Variants in SNURF observed in about 807,000 individuals in gnomAD.
SNURF encodes SNRPN upstream open reading frame.
In SNURF, 6 loss-of-function variants were observed where a neutral mutation model predicts 11.6. That is an observed-to-expected ratio of 0.52 (90% confidence interval 0.28 to 1.02). The LOEUF (loss-of-function observed/expected upper bound fraction) is 1.02, where lower values mean the gene tolerates loss of function less well. Among genes scored for constraint, SNURF ranks in the 50% least tolerant of loss-of-function variants. The pLI is 0.09. For synonymous variants in SNURF, 29 were observed against 31.6 expected, an observed-to-expected ratio of 0.92 and a Z score of 0.27; for missense variants, 84 against 88.4, an observed-to-expected ratio of 0.95 and a Z score of 0.20.
intron 1 of SNURF, among the ~76,000 whole-genome samples, chr15:24,961,911 A>G (rs147255039): frequency 6.6e-6 from 1 of 152,274 alleles, no homozygotes; most frequent in African/African-American, 2.4e-5. Context: ...TTCTGATGTC[A>G]TGGGCTTCTA....
chr15:24,963,791 C>G (rs2075218613), intron 2 of SNURF, among the ~76,000 whole-genome samples: 1 of 151,952 alleles, frequency 6.6e-6, no homozygotes. Flanking sequence ...CTAATCCCAG[C>G]ATGTTGGGAG....
chr15:24,967,141 G>A (rs565907521), intron 2 of SNURF: 31 of 152,280 alleles, frequency 2.0e-4, no homozygotes, highest in African/African-American at 7.5e-4. Context: ...GTTCACACAG[G>A]ATAATTTGAA....
intron 3 of SNURF, chr15:24,974,655 C>G (rs2153682508): frequency 1.5e-6 from 1 of 646,782 alleles, no homozygotes; most frequent in South Asian, 1.9e-5. Context: ...GGGTCTTGCT[C>G]TGTCTCCCAG....
chr15:24,971,444 C>T (rs1435046958), downstream of SNURF, among the ~76,000 whole-genome samples: 1 of 152,098 alleles, frequency 6.6e-6, no homozygotes. Flanking sequence ...AAATCTGTCT[C>T]TTAAGGGAAT....
At chr15:24,978,387 T>G (rs763635758), downstream of SNURF, 1 of 1,614,080 alleles carries the variant, frequency 6.2e-7, no homozygotes, top group South Asian at 1.1e-5. Flanking sequence ...TTTTTCTCAA[T>G]GTTTCTATTT....
chr15:24,955,856 G>A (rs982939452), intron 1 of SNURF, among the ~76,000 whole-genome samples: 10 of 151,788 alleles, frequency 6.6e-5, no homozygotes, highest in African/African-American at 1.7e-4. Flanking sequence ...GCATGGAGGC[G>A]GTGGGCATGG....
intron 6 of SNURF, chr15:24,977,756 GT>G (rs1566978374): frequency 6.4e-7 from 1 of 1,569,800 alleles, no homozygotes; most frequent in South Asian, 1.2e-5. Context: ...CGCTTTGACT[GT>G]TTCCCGCCCT....
intron 3 of SNURF, chr15:24,974,513 G>A: frequency 6.4e-7 from 1 of 1,562,098 alleles, no homozygotes; most frequent in Non-Finnish European, 8.8e-7. Flanking sequence ...GAAAGAAATA[G>A]TTTGCCAGCA....
rs886051016 is a variant in SNURF, at chr15:24,962,124, C to T, written c.25C>T (p.His9Tyr). ...TCTTTTCTGTTTCAGGGATCGCTTACACCTGAGACGAACTACAGAACAGCA... is the reference window on the plus strand; with the variant it reads ...TCTTTTCTGTTTCAGGGATCGCTTATACCTGAGACGAACTACAGAACAGCA... Residue 9 changes from histidine (H) to tyrosine (Y), a missense_variant, in exon 2 of 3, where the codon CAC becomes TAC. His to Tyr is a moderately conservative substitution (Grantham distance 83, BLOSUM62 2). Coordinates refer to ENST00000577949, the Ensembl canonical transcript of SNURF. 1 of 1,614,096 alleles carries T rather than the reference C, an allele frequency of 6.2e-7. No individual in the cohort carries two copies. Among genetic ancestry groups the T allele is most frequent in the Non-Finnish European group, 8.5e-7 (1 of 1,179,972 alleles).
chr15:24,955,034 G>A (rs1260084197), exon 1 of SNURF: 1 of 1,613,090 alleles, frequency 6.2e-7, no homozygotes, highest in Non-Finnish European at 8.5e-7. Context: ...TGTCTGAGGA[G>A]CGGTCAGTGA....
intron 2 of SNURF, among the ~76,000 whole-genome samples, chr15:24,965,646 G>A (rs189333851): frequency 5.1e-4 from 78 of 152,262 alleles, no homozygotes; most frequent in Admixed American, 4.7e-3. Context: ...ATGATGTATC[G>A]TGAGTTCGAA....
intron 1 of SNURF, among the ~76,000 whole-genome samples, chr15:24,956,868 C>T (rs559848656): frequency 1.3e-5 from 2 of 152,314 alleles, no homozygotes; most frequent in East Asian, 3.9e-4. Flanking sequence ...TACTGCTTTT[C>T]AGCTCTGCAG....
intron 4 of SNURF, chr15:24,976,240 T>G: frequency 1.6e-6 from 2 of 1,226,566 alleles, no homozygotes; most frequent in Non-Finnish European, 1.2e-6. Context: ...TGAGGTTGTA[T>G]AAATATTTTG....
At chr15:24,968,249 C>G in exon 3 of SNURF, 1 of 530,974 alleles carries the variant, frequency 1.9e-6, no homozygotes. Context: ...AATTTTCTGC[C>G]CTGACACTTT....
rs1170727963 is a variant in SNURF at position 24,975,296 on chromosome 15, GAGA to G, written c.*46-58_*46-56del. ...TTATGTAAGGGTGGAGAAGAAACAG[GAGA>G]AGATTAGAAGACTAGGGTGTTGGCA... On this transcript the variant is annotated intron_variant and NMD_transcript_variant, in intron 3 of 6. Transcript: ENST00000580062. The G allele has an allele frequency of 4.5e-6, 6 of 1,348,246 alleles. No homozygotes were observed. The Admixed American group carries it at 7.3e-5, about 16-fold the overall frequency. The allele number at this position is 1,348,246 out of a possible 1,614,324, so 83.5% of individuals were successfully genotyped here. A position where few individuals can be genotyped will look rare whatever the true frequency, so the allele number is the denominator to read the frequency against.
intron 3 of SNURF, chr15:24,974,735 CTTTAT>C (rs1235870996): frequency 3.8e-5 from 23 of 607,054 alleles, no homozygotes; most frequent in Non-Finnish European, 6.7e-5. Context: ...GCCTCAGCCT[CTTTAT>C]TAGAAACAGG....
chr15:24,959,493 A>C (rs1057332485), intron 1 of SNURF, among the ~76,000 whole-genome samples: 1 of 152,104 alleles, frequency 6.6e-6, no homozygotes. Flanking sequence ...AAATAATAGA[A>C]TATTTTGGTT....
exon 3 of SNURF, chr15:24,967,944 C>T (rs779865576): frequency 1.9e-6 from 3 of 1,613,678 alleles, no homozygotes; most frequent in Admixed American, 1.7e-5. Flanking sequence ...GTCAGTTGTA[C>T]CCGAGGCGTT....
chr15:24,960,334 T>C (rs1237753720), intron 1 of SNURF, among the ~76,000 whole-genome samples: 1 of 152,084 alleles, frequency 6.6e-6, no homozygotes, highest in Non-Finnish European at 1.5e-5. Context: ...GATGGTGGCA[T>C]TTCAGTGGGG....
Sources: gnomAD v4.1 joint callset for allele counts (sites outside exome capture counted in the v4.1 genomes callset) on GRCh38, gnomAD v4.1.1 for gene constraint, MANE v1.5 for transcripts, NCBI Gene and HGNC (gene_info 2026-07-23, HGNC 2026-07-21) for gene names.